PPP1R3B: variants seen among roughly 807,000 people sequenced by gnomAD.
PPP1R3B encodes the protein PP1 subunit R4.
Under a neutral mutation model 14.6 loss-of-function variants are expected in PPP1R3B, and 8 were observed. The ratio of observed to expected loss-of-function variants is 0.55; its 90% CI spans 0.32 to 0.99. The LOEUF (loss-of-function observed/expected upper bound fraction) is 0.99, where lower values mean the gene tolerates loss of function less well. Among genes scored for constraint, PPP1R3B ranks in the 50% least tolerant of loss-of-function variants. PPP1R3B has a pLI of 0.04. For synonymous variants in PPP1R3B, 169 were observed against 142.0 expected (o/e 1.19, Z -1.35); for missense variants, 452 against 360.1 (o/e 1.26, Z -2.07).
intron 1 of PPP1R3B, among the ~76,000 whole-genome samples, chr8:9,149,911 C>G (rs1801366429): frequency 6.6e-6 from 1 of 152,234 alleles, no homozygotes; most frequent in Admixed American, 6.5e-5. Context: ...GAGTACTAGG[C>G]TAAGAATGCC....
chr8:9,149,869 C>T (rs1475291122), intron 1 of PPP1R3B, among the ~76,000 whole-genome samples: 2 of 152,216 alleles, frequency 1.3e-5, no homozygotes, highest in Admixed American at 6.5e-5. Context: ...ATGACACAGC[C>T]CCTGCCGTCT....
intron 1 of PPP1R3B, chr8:9,145,254 C>G (rs1301756954): frequency 2.0e-5 from 3 of 152,010 alleles, no homozygotes; most frequent in African/African-American, 7.3e-5. Context: ...TTTGTAGGTC[C>G]ACGTATGCTC....
At position 9,139,257 on chromosome 8, in the gene PPP1R3B, T is replaced by C. The variant is rs1327144774; in HGVS notation, c.*1537A>G. 1 of 152,266 alleles carries C rather than the reference T, an allele frequency of 6.6e-6. No individual in the cohort carries two copies. The highest frequency in any genetic ancestry group is 2.1e-4 in the South Asian group (1 of 4,826). 9.4% of individuals were successfully genotyped at this position (152,266 alleles called of 1,614,324 possible). On this transcript the variant is annotated 3_prime_UTR_variant, in exon 2 of 2. Coordinates refer to ENST00000310455, the MANE Select transcript of PPP1R3B (RefSeq NM_024607.4). ...TACAACAGCACTAACCAACAGACTT[T>C]AGTCCAATATGGTTAAGAACAATGA... is the stretch of plus-strand genomic sequence containing the variant.
At chr8:9,149,618 T>A (rs189382303) in intron 1 of PPP1R3B, among the ~76,000 whole-genome samples, 1 of 152,314 alleles carries the variant, frequency 6.6e-6, no homozygotes, top group East Asian at 1.9e-4. Context: ...GGTTATAATT[T>A]TCATTTTTAA....
rs1422418318 is a variant in PPP1R3B at position 9,138,015 on chromosome 8, T to G, written c.*2779A>C. 1 of 152,188 alleles carries G rather than the reference T, an allele frequency of 6.6e-6. No individual in the cohort carries two copies. Among genetic ancestry groups the G allele is most frequent in the African/African-American group, 2.4e-5 (1 of 41,434 alleles). The allele number at this position is 152,188 out of a possible 1,614,324, so 9.4% of individuals were successfully genotyped here. ...ATTATTAGATAAAATTAAACTGACT[T>G]TATTAAACAGAGTCACTTCAGGCCT... On this transcript the variant is annotated 3_prime_UTR_variant, in exon 2 of 2. Coordinates refer to ENST00000310455, the MANE Select transcript of PPP1R3B (RefSeq NM_024607.4).
At chr8:9,144,751 T>G (rs935207180) in intron 1 of PPP1R3B, among the ~76,000 whole-genome samples, 1 of 152,196 alleles carries the variant, frequency 6.6e-6, no homozygotes, top group Non-Finnish European at 1.5e-5. Context: ...TGTTGTTATT[T>G]TTTCCTTTTT....
chr8:9,151,172 G>T (rs1801419341), upstream of PPP1R3B, among the ~76,000 whole-genome samples: 2 of 152,194 alleles, frequency 1.3e-5, no homozygotes, highest in African/African-American at 4.8e-5. Context: ...CCCTCTCCAC[G>T]CTGAAGCAAC....
At position 9,136,707 on chromosome 8, in the gene PPP1R3B, T is replaced by C. The variant is rs1430507032; in HGVS notation, c.*4087A>G. 1 of 152,226 alleles carries C rather than the reference T, an allele frequency of 6.6e-6. No homozygotes were observed. The highest frequency in any genetic ancestry group is 2.4e-5 in the African/African-American group (1 of 41,464). The allele number at this position is 152,226 out of a possible 1,614,324, so 9.4% of individuals were successfully genotyped here. The stretch of plus-strand genomic sequence containing the variant: ...GCCAAATTGTCTTTGTGTGACCCTA[T>C]AAGATCCCATCATCCATGTAACTTC... On this transcript the variant is annotated 3_prime_UTR_variant, in exon 2 of 2. Transcript: ENST00000310455.
chr8:9,144,384 A>T (rs1242581050), intron 1 of PPP1R3B, among the ~76,000 whole-genome samples: 1 of 151,996 alleles, frequency 6.6e-6, no homozygotes, highest in African/African-American at 2.4e-5. Context: ...TGTAGAGACG[A>T]GGTCTCACTA....
At chr8:9,145,661 G>A (rs575077394) in intron 1 of PPP1R3B, among the ~76,000 whole-genome samples, 1 of 152,206 alleles carries the variant, frequency 6.6e-6, no homozygotes, top group East Asian at 1.9e-4. Flanking sequence ...ACTGTATTAT[G>A]TAAATGCAGA....
chr8:9,150,149 C>T (rs1253581614), intron 1 of PPP1R3B, among the ~76,000 whole-genome samples: 1 of 152,024 alleles, frequency 6.6e-6, no homozygotes, highest in African/African-American at 2.4e-5. Context: ...GAAACATTTC[C>T]TCCTCTCCTC....
At chr8:9,150,709 A>C (rs1441914296), upstream of PPP1R3B, 4 of 152,300 alleles carry the variant, frequency 2.6e-5, no homozygotes, top group Non-Finnish European at 4.4e-5. Context: ...CGGTGGGAGG[A>C]AGACGACGAG....
Position 9,137,698 on chromosome 8 carries a change from C to G in PPP1R3B, c.*3096G>C, listed in dbSNP as rs916891282. The G allele has an allele frequency of 6.6e-6, 1 of 152,218 alleles. No individual in the cohort carries two copies. Among genetic ancestry groups the G allele is most frequent in the Non-Finnish European group, 1.5e-5 (1 of 68,068 alleles). 9.4% of individuals were successfully genotyped at this position (152,218 alleles called of 1,614,324 possible). On this transcript the variant is annotated 3_prime_UTR_variant, in exon 2 of 2. Transcript: ENST00000310455. ...CAGATAGAAGGCAGTATTCTTCAGA[C>G]CCCCATACATCACTGAATGACAGCC...
intron 1 of PPP1R3B, among the ~76,000 whole-genome samples, chr8:9,149,291 G>C (rs568451729): frequency 6.6e-6 from 1 of 151,316 alleles, no homozygotes; most frequent in African/African-American, 2.4e-5. Flanking sequence ...ACGAGGTCAG[G>C]AGATCGACAC....
intron 1 of PPP1R3B, among the ~76,000 whole-genome samples, chr8:9,146,410 G>A (rs1801242331): frequency 6.6e-6 from 1 of 152,128 alleles, no homozygotes; most frequent in African/African-American, 2.4e-5. Context: ...AACATGCCAA[G>A]TGTCTTCTGT....
Position 9,141,465 on chromosome 8 carries a change from C to A in PPP1R3B, c.187G>T (p.Val63Leu). 6.2e-7 allele frequency: 1 copy of A among 1,614,190 alleles called. No homozygotes were observed. The highest frequency in any genetic ancestry group is 8.5e-7 in the Non-Finnish European group (1 of 1,180,044). The change falls in exon 2 of 2, where the codon GTG (valine) becomes TTG (leucine). Residue 63 changes from valine to leucine, a missense_variant. Coordinates refer to ENST00000310455, the MANE Select transcript of PPP1R3B (RefSeq NM_024607.4). ...AGCCCCTGGTTGTCTGCGAAGGACA[C>A]CCGCTTTTTCACCTTCTTCTCCTGG... ...AVQEKKVKKR[V>L]SFADNQGLAL... is the part of the protein sequence containing the mutation.
chr8:9,142,042 C>G (rs1250510277), intron 1 of PPP1R3B, among the ~76,000 whole-genome samples: 5 of 152,148 alleles, frequency 3.3e-5, no homozygotes, highest in African/African-American at 1.2e-4. Context: ...TAAAATTTCC[C>G]AAATCTATTT....
chr8:9,147,514 C>A (rs1477396446), intron 1 of PPP1R3B, among the ~76,000 whole-genome samples: 1 of 151,990 alleles, frequency 6.6e-6, no homozygotes, highest in Non-Finnish European at 1.5e-5. Context: ...GCTTTTTCTG[C>A]ATGTTAGGAA....
In PPP1R3B at chr8:9,140,881, G is replaced by C; in HGVS notation, c.771C>G (p.Asp257Glu). 5 of 1,614,164 alleles carry C rather than the reference G, an allele frequency of 3.1e-6. No homozygotes were observed. The highest frequency in any genetic ancestry group is 4.2e-6 in the Non-Finnish European group (5 of 1,180,032). ...AGGAACACCGAGGGCTTCCGAACTGGTCAAAGGATATTCCCAAATCCGGTC... is the reference window on the plus strand; with the variant it reads ...AGGAACACCGAGGGCTTCCGAACTGCTCAAAGGATATTCCCAAATCCGGTC... ...HSGPDLGISF[D>E]QFGSPRCSYG... Residue 257 changes from aspartate to glutamate, a missense_variant, in exon 2 of 2, where the codon GAC (aspartate) becomes GAG (glutamate). Physicochemically the swap from Asp to Glu is conservative, Grantham distance 45 (BLOSUM62 2). Coordinates refer to ENST00000310455, the MANE Select transcript of PPP1R3B (RefSeq NM_024607.4).
Sources: gnomAD v4.1 joint callset for allele counts (sites outside exome capture counted in the v4.1 genomes callset) on GRCh38, gnomAD v4.1.1 for gene constraint, MANE v1.5 for transcripts, NCBI Gene and HGNC (gene_info 2026-07-23, HGNC 2026-07-21) for gene names.